The following SLC4A4 variants were observed in gnomAD, a reference collection of about 807,000 sequenced individuals.
The protein encoded by SLC4A4 is electrogenic sodium bicarbonate cotransporter 1.
In SLC4A4, 27 loss-of-function variants were observed where a neutral mutation model predicts 111.5. That is an observed-to-expected ratio of 0.24 (90% CI 0.18 to 0.33). The LOEUF (loss-of-function observed/expected upper bound fraction) is 0.33. SLC4A4 is among the 10% of genes least tolerant of loss of function. The pLI, the probability that SLC4A4 is intolerant of heterozygous loss-of-function variation, is 1.00. For missense variants in SLC4A4, 909 were observed against 1,315.5 expected (o/e 0.69, Z 4.78); for synonymous variants, 443 against 463.4 (o/e 0.96, Z 0.57).
At chr4:71,353,878 G>A (rs994298996) in intron 5 of SLC4A4, among the ~76,000 whole-genome samples, 6 of 152,186 alleles carry the variant, frequency 3.9e-5, no homozygotes, top group Non-Finnish European at 7.3e-5. Flanking sequence ...CTCAAAGACA[G>A]CGCCACACCA....
At chr4:71,329,100 C>A (rs1727736407) in intron 3 of SLC4A4, among the ~76,000 whole-genome samples, 1 of 152,006 alleles carries the variant, frequency 6.6e-6, no homozygotes, top group Non-Finnish European at 1.5e-5. Context: ...ATGTTCTTGG[C>A]ACCTCTATAA....
chr4:71,526,220 A>T (rs775369427), intron 16 of SLC4A4, among the ~76,000 whole-genome samples: 4 of 152,078 alleles, frequency 2.6e-5, no homozygotes, highest in Non-Finnish European at 5.9e-5. Context: ...AATTTCCTTG[A>T]CTGTGAAGTT....
At chr4:71,197,143 A>T (rs1366400775) in intron 1 of SLC4A4, among the ~76,000 whole-genome samples, 1 of 152,008 alleles carries the variant, frequency 6.6e-6, no homozygotes, top group Non-Finnish European at 1.5e-5. Flanking sequence ...TGAACCTGGT[A>T]GGTGGGGGTT....
At chr4:71,277,995 C>T (rs80141769) in intron 3 of SLC4A4, among the ~76,000 whole-genome samples, 211 of 152,124 alleles carry the variant, frequency 1.4e-3, no homozygotes, top group African/African-American at 4.8e-3. Flanking sequence ...TCAAGCATAC[C>T]GTATGATATT....
chr4:71,396,284 G>C (rs867456953), intron 6 of SLC4A4, among the ~76,000 whole-genome samples: 1 of 152,192 alleles, frequency 6.6e-6, no homozygotes, highest in Non-Finnish European at 1.5e-5. Flanking sequence ...ATGCAGCAGA[G>C]TGGAAAATAT....
At chr4:71,511,280 C>A (rs1055170643) in intron 16 of SLC4A4, among the ~76,000 whole-genome samples, 1 of 152,038 alleles carries the variant, frequency 6.6e-6, no homozygotes, top group African/African-American at 2.4e-5. Context: ...TTCTCTTTAG[C>A]ATTTCTTGTA....
At chr4:71,243,762 T>C (rs901654116) in intron 2 of SLC4A4, among the ~76,000 whole-genome samples, 2 of 152,166 alleles carry the variant, frequency 1.3e-5, no homozygotes, top group African/African-American at 4.8e-5. Context: ...ATCTGGTAAA[T>C]TGTTTCTGCC....
chr4:71,244,582 G>C (rs1326097036), intron 2 of SLC4A4, among the ~76,000 whole-genome samples: 1 of 152,074 alleles, frequency 6.6e-6, no homozygotes, highest in African/African-American at 2.4e-5. Flanking sequence ...ATAAATTTAA[G>C]GTATTATCTC....
intron 2 of SLC4A4, among the ~76,000 whole-genome samples, chr4:71,154,810 T>C (rs1744414571): frequency 6.6e-6 from 1 of 152,248 alleles, no homozygotes; most frequent in African/African-American, 2.4e-5. Flanking sequence ...TTGTAAATAA[T>C]TTACCATCAT....
At chr4:71,117,177 T>G (rs928988863) in intron 2 of SLC4A4, among the ~76,000 whole-genome samples, 4 of 152,076 alleles carry the variant, frequency 2.6e-5, no homozygotes, top group African/African-American at 9.7e-5. Context: ...GGAAAGAATT[T>G]TGCTATGTTG....
chr4:71,563,959 T>C (rs1450610734), intron 24 of SLC4A4, 70 bp downstream of exon 24: 3 of 964,662 alleles, frequency 3.1e-6, no homozygotes, highest in Non-Finnish European at 5.1e-6. Context: ...CACTTTAGAA[T>C]GGCCATCTGC....
chr4:71,087,149 G>A (rs555606517), intron 1 of SLC4A4, among the ~76,000 whole-genome samples: 16 of 152,032 alleles, frequency 1.1e-4, no homozygotes, highest in Non-Finnish European at 8.8e-5. Flanking sequence ...TGTATGTATC[G>A]AGGAATGTAT....
chr4:71,558,661 C>T (rs1736682284), intron 22 of SLC4A4, among the ~76,000 whole-genome samples: 1 of 151,894 alleles, frequency 6.6e-6, no homozygotes, highest in South Asian at 2.1e-4. Context: ...GCTTTGAAAA[C>T]AGAATTTTCC....
At chr4:71,351,067 G>C (rs1729783659) in intron 5 of SLC4A4, among the ~76,000 whole-genome samples, 1 of 152,210 alleles carries the variant, frequency 6.6e-6, no homozygotes. Flanking sequence ...GAATGCAGTG[G>C]TGTGTGCCCA....
At chr4:71,282,639 G>C (rs941910036) in intron 3 of SLC4A4, among the ~76,000 whole-genome samples, 1 of 151,188 alleles carries the variant, frequency 6.6e-6, no homozygotes, top group Non-Finnish European at 1.5e-5. Flanking sequence ...CTGGAGTACA[G>C]TGGCATGATC....
chr4:71,415,314 A>G (rs1465028680), intron 7 of SLC4A4, among the ~76,000 whole-genome samples: 1 of 152,218 alleles, frequency 6.6e-6, no homozygotes, highest in African/African-American at 2.4e-5. Context: ...CCCTTGGGAA[A>G]GAGAAATTTT....
intron 18 of SLC4A4, among the ~76,000 whole-genome samples, chr4:71,542,696 G>A (rs1303407889): frequency 2.6e-5 from 4 of 151,952 alleles, no homozygotes; most frequent in African/African-American, 9.7e-5. Flanking sequence ...TTTGCGCTAA[G>A]TTGGGTACCC....
rs753968353 is a variant in SLC4A4, at chr4:71,546,509, C to T, written c.2602C>T (p.Pro868Ser). 1.1e-5 allele frequency: 17 copies of T among 1,612,166 alleles called. No individual in the cohort carries two copies. The Admixed American group carries it at 1.2e-4, about 11-fold the overall frequency. ...ETETSAPGEQ[P>S]KFLGVREQRV... is the part of the protein sequence containing the mutation. ...AGAGACTTCTGCACCTGGAGAACAACCAAAGTTTCTAGGAGTGAGGTGTGT... is the reference window on the plus strand; with the variant it reads ...AGAGACTTCTGCACCTGGAGAACAATCAAAGTTTCTAGGAGTGAGGTGTGT... The change falls in exon 19 of 26, where the codon CCA becomes TCA. Residue 868 changes from proline (P) to serine (S), a missense_variant. Pro to Ser is a moderately conservative substitution (Grantham distance 74). Around this residue, in one of 7 missense-constraint regions of SLC4A4, gnomAD observed 104 missense variants for 219.5 expected, o/e 0.47. Coordinates refer to ENST00000264485, the MANE Select transcript of SLC4A4 (RefSeq NM_001098484.3).
intron 2 of SLC4A4, among the ~76,000 whole-genome samples, chr4:71,164,335 C>T (rs1336061293): frequency 2.0e-5 from 3 of 148,942 alleles, no homozygotes; most frequent in Admixed American, 1.4e-4. Context: ...GAGCCGAGAT[C>T]GTGCACTGCA....
Sources: allele counts gnomAD v4.1 joint callset (sites outside exome capture counted in the v4.1 genomes callset), GRCh38; gene constraint gnomAD v4.1.1; regional missense constraint gnomAD v4.1.1; transcripts MANE v1.5; gene names NCBI Gene and HGNC (gene_info 2026-07-23, HGNC 2026-07-21).